Variants in SGTB observed in about 807,000 individuals in gnomAD.
SGTB encodes the protein small glutamine rich tetratricopeptide repeat co-chaperone beta.
A neutral mutation model predicts 43.9 loss-of-function variants in SGTB; 19 were observed. That is an observed-to-expected ratio of 0.43 (90% CI 0.30 to 0.63). SGTB has a LOEUF of 0.63. Ranked by LOEUF, SGTB falls within the 30% of genes least tolerant of loss-of-function variation. The probability of loss-of-function intolerance (pLI) is 0.12; values close to 1 mark genes in which losing one functional copy is unlikely to be tolerated. For missense variants in SGTB, 304 were observed against 358.9 expected (o/e 0.85, Z 1.24); for synonymous variants, 116 against 117.3 (o/e 0.99, Z 0.07).
chr5:65,701,111 T>C (rs1414125302), intron 5 of SGTB, among the ~76,000 whole-genome samples: 2 of 151,162 alleles, frequency 1.3e-5, no homozygotes, highest in Non-Finnish European at 2.9e-5. Flanking sequence ...GAAAACAAAT[T>C]CAGTGTCAAT....
intron 3 of SGTB, among the ~76,000 whole-genome samples, chr5:65,710,216 C>T (rs1362893853): frequency 6.6e-6 from 1 of 152,128 alleles, no homozygotes. Context: ...TATTGTCCTA[C>T]AGCACTTGGC....
intron 4 of SGTB, among the ~76,000 whole-genome samples, chr5:65,707,253 T>A (rs1757949957): frequency 6.6e-6 from 1 of 151,250 alleles, no homozygotes; most frequent in Non-Finnish European, 1.5e-5. Flanking sequence ...GCAGAGAGAC[T>A]CTGTCTCAAA....
chr5:65,705,515 C>T (rs575409291), intron 4 of SGTB, among the ~76,000 whole-genome samples: 1 of 152,146 alleles, frequency 6.6e-6, no homozygotes, highest in Non-Finnish European at 1.5e-5. Context: ...GAATGATTTA[C>T]ATCTCAAAGG....
intron 6 of SGTB, among the ~76,000 whole-genome samples, chr5:65,682,897 T>C (rs1002891992): frequency 6.6e-6 from 1 of 152,198 alleles, no homozygotes; most frequent in African/African-American, 2.4e-5. Context: ...ACTGAACAAT[T>C]GTTCCTAGGG....
chr5:65,673,949 C>T (rs1757213949), intron 8 of SGTB, among the ~76,000 whole-genome samples: 2 of 152,278 alleles, frequency 1.3e-5, no homozygotes, highest in South Asian at 4.1e-4. Flanking sequence ...AGCCAGCACA[C>T]CAAGGCCTAT....
At chr5:65,695,427 A>G (rs1389855680) in intron 5 of SGTB, among the ~76,000 whole-genome samples, 1 of 152,216 alleles carries the variant, frequency 6.6e-6, no homozygotes, top group Non-Finnish European at 1.5e-5. Flanking sequence ...GAGGCGTCTG[A>G]GCCTCAGAGG....
intron 1 of SGTB, among the ~76,000 whole-genome samples, chr5:65,721,713 A>G (rs537767789): frequency 6.6e-6 from 1 of 152,136 alleles, no homozygotes; most frequent in Non-Finnish European, 1.5e-5. Flanking sequence ...GAAGGTAAAA[A>G]CAGAATGGGG....
At chr5:65,711,423 T>G (rs1579884839) in intron 3 of SGTB, among the ~76,000 whole-genome samples, 1 of 149,620 alleles carries the variant, frequency 6.7e-6, no homozygotes, top group African/African-American at 2.5e-5. Context: ...AGCTAAAGAG[T>G]GAGAAAATCT....
intron 5 of SGTB, among the ~76,000 whole-genome samples, chr5:65,699,541 A>G (rs1325011888): frequency 6.6e-6 from 1 of 152,222 alleles, no homozygotes; most frequent in African/African-American, 2.4e-5. Flanking sequence ...ACTGAAATAC[A>G]TATATATTTT....
intron 5 of SGTB, among the ~76,000 whole-genome samples, chr5:65,701,875 C>T (rs1199239916): frequency 6.6e-6 from 1 of 152,136 alleles, no homozygotes; most frequent in African/African-American, 2.4e-5. Context: ...CCTCGTGATC[C>T]GCCCGCGTCG....
intron 8 of SGTB, among the ~76,000 whole-genome samples, chr5:65,674,113 T>A: frequency 6.6e-6 from 1 of 152,334 alleles, no homozygotes; most frequent in South Asian, 2.1e-4. Flanking sequence ...TAGTTTTGCA[T>A]TGGTGCTTTT....
intron 5 of SGTB, among the ~76,000 whole-genome samples, chr5:65,702,363 T>A (rs1357965099): frequency 1.3e-5 from 2 of 152,018 alleles, no homozygotes; most frequent in South Asian, 2.1e-4. Context: ...AAAATAAAAT[T>A]AAATTAAAAA....
chr5:65,704,021 G>A (rs1420259039), intron 5 of SGTB, among the ~76,000 whole-genome samples: 4 of 137,086 alleles, frequency 2.9e-5, no homozygotes, highest in African/African-American at 1.1e-4. Flanking sequence ...CTGGGTGACA[G>A]TGAGACTCCG....
Position 65,671,961 on chromosome 5 carries a change from C to T in SGTB, c.757G>A (p.Ala253Thr). ...TCAGTTAGGCCCCCAACTCCAGCAGCAGGTCCCCCAATGGCATTTGTCATC... is the reference window on the plus strand; with the variant it reads ...TCAGTTAGGCCCCCAACTCCAGCAGTAGGTCCCCCAATGGCATTTGTCATC... Reference protein sequence around the residue: ...GMMTNAIGGPAAGVGGLTDLS... With the variant: ...GMMTNAIGGPTAGVGGLTDLS... The change falls in exon 10 of 11, where the codon GCT becomes ACT. Residue 253 changes from alanine to threonine, a missense_variant. By Grantham distance (58) the Ala-to-Thr change is moderately conservative (BLOSUM62 0). Transcript: ENST00000381007. 6.2e-7 allele frequency: 1 copy of T among 1,614,026 alleles called. No homozygotes were observed. Among genetic ancestry groups the T allele is most frequent in the African/African-American group, 1.3e-5 (1 of 75,034 alleles).
At chr5:65,702,793 A>AATTT (rs1757848971) in intron 5 of SGTB, among the ~76,000 whole-genome samples, 1 of 152,202 alleles carries the variant, frequency 6.6e-6, no homozygotes, top group Non-Finnish European at 1.5e-5. Context: ...ATAAATAGAA[A>AATTT]ATTTAGGAAA....
chr5:65,674,445 G>T (rs984772597), intron 8 of SGTB, among the ~76,000 whole-genome samples: 2 of 152,124 alleles, frequency 1.3e-5, no homozygotes, highest in African/African-American at 2.4e-5. Flanking sequence ...TACAGTAACT[G>T]CCCAAACCAC....
At chr5:65,702,521 G>A (rs541866791) in intron 5 of SGTB, among the ~76,000 whole-genome samples, 2 of 152,118 alleles carry the variant, frequency 1.3e-5, no homozygotes, top group Non-Finnish European at 2.9e-5. Flanking sequence ...AAAAAGGACA[G>A]AGCCAAGAAA....
At chr5:65,689,210 C>T (rs1387240062) in intron 5 of SGTB, among the ~76,000 whole-genome samples, 1 of 152,140 alleles carries the variant, frequency 6.6e-6, no homozygotes, top group African/African-American at 2.4e-5. Context: ...CATAACATTA[C>T]AATATATTAA....
rs1014787334 is a variant in SGTB at position 65,669,836 on chromosome 5, T to G, written c.*410A>C. 1 of 156,856 alleles carries G rather than the reference T, an allele frequency of 6.4e-6. No homozygotes were observed. The highest frequency in any genetic ancestry group is 6.4e-5 in the Admixed American group (1 of 15,608). 9.7% of individuals were successfully genotyped at this position (156,856 alleles called of 1,614,324 possible). On this transcript the variant is annotated 3_prime_UTR_variant, in exon 11 of 11. Transcript: ENST00000381007. ...CTCAACCAGCATAGGAAACCTTTCC[T>G]TTGGGTCATTTCCCTTCTCAAAAAA...
Sources: gnomAD v4.1 joint callset for allele counts (sites outside exome capture counted in the v4.1 genomes callset) on GRCh38, gnomAD v4.1.1 for gene constraint, MANE v1.5 for transcripts, NCBI Gene and HGNC (gene_info 2026-07-23, HGNC 2026-07-21) for gene names.